QARS1: variants seen among roughly 807,000 people sequenced by gnomAD.
QARS1 encodes glutamine--tRNA ligase.
QARS1 carries 79 observed loss-of-function variants against 106.9 expected under a neutral mutation model. The observed-to-expected ratio is 0.74, with a 90% CI of 0.62 to 0.89. The LOEUF is 0.89. Ranked by LOEUF, QARS1 falls within the 40% of genes least tolerant of loss-of-function variation. The pLI is 0.00. For synonymous variants in QARS1, 395 were observed against 367.7 expected, an observed-to-expected ratio of 1.07 and a Z score of -0.85; for missense variants, 966 against 997.2, an observed-to-expected ratio of 0.97 and a Z score of 0.42.
rs140058252 is a variant in QARS1, at chr3:49,103,315, G to T, written c.516+30C>A. On this transcript the variant is annotated intron_variant, in intron 5 of 23. Transcript: ENST00000306125. The stretch of plus-strand genomic sequence containing the variant: ...AGGCTCTGTTCATGCCAGAGTCTTT[G>T]CCAGCTTCAGCTTAGTGAAGCACGC... 776 of 1,610,908 alleles carry T rather than the reference G, an allele frequency of 4.8e-4. 5 individuals are homozygous for T. The African/African-American group carries it at 9.2e-3, about 19-fold the overall frequency.
chr3:49,099,435 T>C lies in QARS1; in HGVS notation c.1527-4A>G. On this transcript the variant is annotated splice_region_variant and splice_polypyrimidine_tract_variant and intron_variant, in intron 16 of 23. Transcript: ENST00000306125. ...GAGCCGTGGGTCATCCCAGTCCCTGTGGATAAGAAGGTGGTGAGAAGGCCT... is the reference window on the plus strand; with the variant it reads ...GAGCCGTGGGTCATCCCAGTCCCTGCGGATAAGAAGGTGGTGAGAAGGCCT... The C allele has an allele frequency of 1.2e-6, 2 of 1,614,150 alleles. No homozygotes were observed. Among genetic ancestry groups the C allele is most frequent in the Non-Finnish European group, 1.7e-6 (2 of 1,180,016 alleles).
At position 49,104,651 on chromosome 3, in the gene QARS1, G is replaced by T. The variant is rs148998142; in HGVS notation, c.83C>A (p.Ala28Asp). 5.7e-5 allele frequency: 92 copies of T among 1,608,798 alleles called. No homozygotes were observed. The Admixed American group carries it at 7.8e-4, about 14-fold the overall frequency. The change falls in exon 1 of 24, where the codon GCT becomes GAT. Residue 28 changes from alanine (A) to aspartate (D), a missense_variant. Ala to Asp is a moderately radical substitution (Grantham distance 126, BLOSUM62 -2). Transcript: ENST00000306125. ...QKARETLKNS[A>D]LSAQLREAAT... is the part of the protein sequence containing the mutation. ...GGCCTCGCGCAGCTGCGCGCTCAGAGCCGAGTTCTTGAGCGTCTCGCGGGC... is the reference window on the plus strand; with the variant it reads ...GGCCTCGCGCAGCTGCGCGCTCAGATCCGAGTTCTTGAGCGTCTCGCGGGC...
At position 49,096,076 on chromosome 3, in the gene QARS1, C is replaced by T. The variant is rs758895480; in HGVS notation, c.2281G>A (p.Val761Ile). 1.9e-6 allele frequency: 3 copies of T among 1,613,650 alleles called. No individual in the cohort carries two copies. The East Asian group carries it at 6.7e-5, about 36-fold the overall frequency. ...TTCAGTGTGACAGTTCGGTTAAAGA[C>T]AAGCTGGAGGGCAGAGGGAAAAGGA... is the stretch of plus-strand genomic sequence containing the variant. ...VDPDSHQGKL[V>I]FNRTVTLKED... Residue 761 changes from valine to isoleucine, a missense_variant, in exon 24 of 24, where the codon GTC becomes ATC. Coordinates refer to ENST00000306125, the MANE Select transcript of QARS1 (RefSeq NM_005051.3).
In QARS1 at chr3:49,098,963, G is replaced by A. The variant is rs1238246400; in HGVS notation, c.1785C>T (p.Phe595=). 1 of 1,614,122 alleles carries A rather than the reference G, an allele frequency of 6.2e-7. No individual in the cohort carries two copies. Among genetic ancestry groups the A allele is most frequent in the Non-Finnish European group, 8.5e-7 (1 of 1,179,984 alleles). ...AKSLDIQVPN[F]PADETKGFHQ... ...GGAAGCCTTTGGTCTCATCAGCTGG[G>A]AAGTTGGGCACCTGGATGTCCAAGG... Residue 595 remains phenylalanine (F), a synonymous_variant, in exon 19 of 24, where the codon TTC becomes TTT. Coordinates refer to ENST00000306125, the MANE Select transcript of QARS1 (RefSeq NM_005051.3).
chr3:49,099,637 AG>A lies in QARS1; in HGVS notation c.1398del (p.Tyr467ThrfsTer37). 6.2e-7 allele frequency: 1 copy of A among 1,614,088 alleles called. No individual in the cohort carries two copies. Among genetic ancestry groups the A allele is most frequent in the Non-Finnish European group, 8.5e-7 (1 of 1,179,954 alleles). On this transcript the variant is annotated frameshift_variant, in exon 16 of 24. Transcript: ENST00000306125. LOFTEE classifies it high-confidence loss of function. ...CTKEFQARRS[S>X]YFWLCNALDV... is the part of the protein sequence containing the mutation. ...TCCAGTGCATTGCAAAGCCAGAAGT[AG>A]GAAGAGCGTCTGGGGTGGGAGAGTA... is the stretch of plus-strand genomic sequence containing the variant.
chr3:49,100,274 CTG>C lies in QARS1; in HGVS notation c.1078_1079del (p.Gln360AlafsTer9). The C allele has an allele frequency of 6.2e-7, 1 of 1,614,268 alleles. No individual in the cohort carries two copies. Among genetic ancestry groups the C allele is most frequent in the African/African-American group, 1.3e-5 (1 of 75,074 alleles). ...IRRGLAYVCH[Q>X]RGEELKGHNT... ...TATGGCCTTTGAGCTCCTCTCCTCG[CTG>C]GTGGCACACATAAGCCAGACCCCTG... On this transcript the variant is annotated frameshift_variant, in exon 13 of 24. Coordinates refer to ENST00000306125, the MANE Select transcript of QARS1 (RefSeq NM_005051.3). LOFTEE classifies it high-confidence loss of function.
At position 49,096,097 on chromosome 3, in the gene QARS1, A is replaced by AAGG. The variant is rs1166032765; in HGVS notation, c.2278-21_2278-19dup. On this transcript the variant is annotated intron_variant, in intron 23 of 23. Transcript: ENST00000306125. ...AAGACAAGCTGGAGGGCAGAGGGAAAAGGATGACCACCAACCCAGAACAAG... is the reference window on the plus strand; with the variant it reads ...AAGACAAGCTGGAGGGCAGAGGGAAAAGGAGGATGACCACCAACCCAGAACAAG... 2.5e-6 allele frequency: 4 copies of AAGG among 1,613,284 alleles called. No individual in the cohort carries two copies. Among genetic ancestry groups the AAGG allele is most frequent in the African/African-American group, 2.7e-5 (2 of 74,998 alleles).
intron 23 of QARS1, among the ~76,000 whole-genome samples, chr3:49,096,816 A>T (rs1023479978): frequency 7.4e-6 from 1 of 134,776 alleles, no homozygotes; most frequent in Non-Finnish European, 1.6e-5. Flanking sequence ...AAAAAAAAAA[A>T]AAAAAAAAAA....
intron 9 of QARS1, 39 bp from the exon 10 acceptor site, chr3:49,101,480 A>G: frequency 1.3e-6 from 2 of 1,589,878 alleles, no homozygotes; most frequent in Non-Finnish European, 1.7e-6. Context: ...ATAAAGTCTG[A>G]GCTCAGATGA....
Position 49,100,363 on chromosome 3 carries a change from C to G in QARS1, c.1055+17G>C, listed in dbSNP as rs1442692713. 6.2e-7 allele frequency: 1 copy of G among 1,614,126 alleles called. No individual in the cohort carries two copies. Among genetic ancestry groups the G allele is most frequent in the Non-Finnish European group, 8.5e-7 (1 of 1,180,026 alleles). On this transcript the variant is annotated intron_variant, in intron 12 of 23. Transcript: ENST00000306125. The stretch of plus-strand genomic sequence containing the variant: ...CTAGTCAGTCTGCCTGGCTCTACGT[C>G]ATGGCCCTGGCCTTACCTGCGGATG...
chr3:49,104,197 A>G (rs2107113423), intron 2 of QARS1, 127 bp downstream of exon 2: 3 of 1,407,380 alleles, frequency 2.1e-6, no homozygotes, highest in African/African-American at 2.8e-5. Context: ...CACCCCTTCC[A>G]TGCCTCAGTG....
chr3:49,103,638 C>A lies in QARS1; in HGVS notation c.444G>T (p.Leu148=), dbSNP rs2042499886. 1.2e-6 allele frequency: 2 copies of A among 1,613,502 alleles called. No homozygotes were observed. The highest frequency in any genetic ancestry group is 1.7e-6 in the Non-Finnish European group (2 of 1,179,760). ...GTTCCAGGCCCTGCTCACCCATCAG[C>A]AGCCCCATGTTGAAATGGTAACGTT... is the stretch of plus-strand genomic sequence containing the variant. ...LVERYHFNMG[L]LMGEARAVLK... Residue 148 remains leucine (L), a synonymous_variant, in exon 4 of 24, where the codon CTG becomes CTT. Coordinates refer to ENST00000306125, the MANE Select transcript of QARS1 (RefSeq NM_005051.3).
At position 49,098,369 on chromosome 3, in the gene QARS1, G is replaced by A. The variant is rs370934093; in HGVS notation, c.2068C>T (p.Arg690Cys). 46 of 1,614,050 alleles carry A rather than the reference G, an allele frequency of 2.8e-5. No homozygotes were observed. The highest frequency in any genetic ancestry group is 3.5e-5 in the Non-Finnish European group (41 of 1,180,038). ...TTCACTCACAGTCGCTCATAGAGGC[G>A]AACCTCACACATCAAAGGCTGTGAC... is the stretch of plus-strand genomic sequence containing the variant. Reference protein sequence around the residue: ...WVSQPLMCEVRLYERLFQHKN... With the variant: ...WVSQPLMCEVCLYERLFQHKN... The change falls in exon 21 of 24, where the codon CGC (arginine) becomes TGC (cysteine). Residue 690 changes from arginine to cysteine, a missense_variant. Transcript: ENST00000306125.
chr3:49,104,031 G>A (rs557770794), intron 2 of QARS1, 59 bp from the exon 3 acceptor site: 272 of 1,458,234 alleles, frequency 1.9e-4, no homozygotes, highest in Non-Finnish European at 2.5e-4. Flanking sequence ...GGACAGACAG[G>A]GTCCTAATCT....
intron 10 of QARS1, 104 bp from the exon 11 acceptor site, chr3:49,100,778 C>CTT: frequency 9.6e-7 from 1 of 1,039,432 alleles, no homozygotes; most frequent in Non-Finnish European, 1.5e-6. Context: ...TCAGAATTTT[C>CTT]TTTTTTTTTG....
At chr3:49,097,058 TC>T (rs2042402831) in intron 23 of QARS1, 1 of 149,904 alleles carries the variant, frequency 6.7e-6, no homozygotes. Flanking sequence ...ATCCCAGCAC[TC>T]TAGGAGGCTG....
Position 49,101,431 on chromosome 3 carries a change from C to T in QARS1, c.800G>A (p.Arg267Gln), listed in dbSNP as rs777675321. 29 of 1,613,142 alleles carry T rather than the reference C, an allele frequency of 1.8e-5. No homozygotes were observed. Among genetic ancestry groups the T allele is most frequent in the South Asian group, 3.3e-5 (3 of 91,032 alleles). ...LEITGGQVRT[R>Q]FPPEPNGILH... The stretch of plus-strand genomic sequence containing the variant: ...GATTCCATTGGGTTCTGGCGGGAAC[C>T]GGGTACGTACCTAAAATAAGGGGGA... The change falls in exon 10 of 24, where the codon CGG becomes CAG. Residue 267 changes from arginine (R) to glutamine (Q), a missense_variant. Coordinates refer to ENST00000306125, the MANE Select transcript of QARS1 (RefSeq NM_005051.3).
chr3:49,097,473 C>A (rs2042407181), intron 23 of QARS1, among the ~76,000 whole-genome samples: 1 of 150,946 alleles, frequency 6.6e-6, no homozygotes, highest in Admixed American at 6.6e-5. Context: ...GTGTGAGCCA[C>A]CATGCCCTGC....
chr3:49,101,418 T>C lies in QARS1; in HGVS notation c.813A>G (p.Glu271=), dbSNP rs566659715. The change falls in exon 10 of 24, where the codon GAA becomes GAG. Residue 271 remains glutamate, a synonymous_variant. Coordinates refer to ENST00000306125, the MANE Select transcript of QARS1 (RefSeq NM_005051.3). Reference sequence around the variant, plus strand: ...GTCCAATATGCAGGATTCCATTGGGTTCTGGCGGGAACCGGGTACGTACCT... The same window carrying C: ...GTCCAATATGCAGGATTCCATTGGGCTCTGGCGGGAACCGGGTACGTACCT... The part of the protein sequence containing the change: ...GGQVRTRFPP[E]PNGILHIGHA... The C allele has an allele frequency of 1.2e-6, 2 of 1,614,056 alleles. No individual in the cohort carries two copies. The highest frequency in any genetic ancestry group is 2.2e-5 in the South Asian group (2 of 91,080).
Sources: gnomAD v4.1 joint callset for allele counts (sites outside exome capture counted in the v4.1 genomes callset) on GRCh38, gnomAD v4.1.1 for gene constraint, MANE v1.5 for transcripts, NCBI Gene and HGNC (gene_info 2026-07-23, HGNC 2026-07-21) for gene names.